Variants in DENND4C observed in about 807,000 individuals in gnomAD.
DENND4C encodes the protein DENN domain containing 4C, also known as DENN domain-containing protein 4C.
DENND4C carries 108 observed loss-of-function variants against 203.0 expected under a neutral mutation model. The observed-to-expected ratio is 0.53, with a 90% CI of 0.46 to 0.62. The LOEUF (loss-of-function observed/expected upper bound fraction) is 0.62. Ranked by LOEUF, DENND4C falls within the 20% of genes least tolerant of loss-of-function variation. The pLI, the probability that DENND4C is intolerant of heterozygous loss-of-function variation, is 0.00. For synonymous variants in DENND4C, 871 were observed against 792.4 expected, an observed-to-expected ratio of 1.10 and a Z score of -1.67; for missense variants, 2,481 against 2,301.2, an observed-to-expected ratio of 1.08 and a Z score of -1.60.
intron 1 of DENND4C, among the ~76,000 whole-genome samples, chr9:19,255,138 C>T (rs1406325391): frequency 6.6e-6 from 1 of 152,036 alleles, no homozygotes; most frequent in Admixed American, 6.6e-5. Flanking sequence ...AAGAGCGAAA[C>T]TCTGTCTCAG....
chr9:19,265,237 G>A (rs1260682805), intron 1 of DENND4C, among the ~76,000 whole-genome samples: 5 of 151,880 alleles, frequency 3.3e-5, no homozygotes, highest in Non-Finnish European at 7.4e-5. Flanking sequence ...GGCTGGTCTC[G>A]CACTCTGGGG....
At chr9:19,273,829 A>G (rs1014007109) in intron 1 of DENND4C, among the ~76,000 whole-genome samples, 3 of 152,060 alleles carry the variant, frequency 2.0e-5, no homozygotes, top group African/African-American at 7.3e-5. Flanking sequence ...AGTGAAAAAA[A>G]TGGTACACTC....
intron 19 of DENND4C, 80 bp from the exon 20 acceptor site, chr9:19,336,606 A>G: frequency 1.4e-6 from 2 of 1,463,734 alleles, no homozygotes; most frequent in Admixed American, 2.7e-5. Flanking sequence ...GCAACTATAA[A>G]TGAACTGTGG....
intron 18 of DENND4C, 86 bp downstream of exon 18, chr9:19,335,191 T>A: frequency 1.0e-6 from 1 of 956,884 alleles, no homozygotes; most frequent in Non-Finnish European, 1.4e-6. Flanking sequence ...AAACTCCTAT[T>A]AAAGGAAGTT....
At chr9:19,345,410 T>G (rs920689857) in intron 22 of DENND4C, among the ~76,000 whole-genome samples, 2 of 152,240 alleles carry the variant, frequency 1.3e-5, no homozygotes, top group African/African-American at 4.8e-5. Context: ...GAATAATTTT[T>G]TAACCACTCA....
intron 2 of DENND4C, among the ~76,000 whole-genome samples, chr9:19,279,417 G>A: frequency 6.6e-6 from 1 of 151,952 alleles, no homozygotes; most frequent in Non-Finnish European, 1.5e-5. Flanking sequence ...GTTCACGCCT[G>A]TAATCCCAGC....
At chr9:19,277,997 AC>A (rs1049480718) in intron 2 of DENND4C, among the ~76,000 whole-genome samples, 8 of 151,058 alleles carry the variant, frequency 5.3e-5, no homozygotes, top group African/African-American at 1.9e-4. Context: ...TAACTATGAT[AC>A]CATACCTTAA....
At chr9:19,247,900 C>A (rs1215695752) in intron 1 of DENND4C, among the ~76,000 whole-genome samples, 1 of 152,194 alleles carries the variant, frequency 6.6e-6, no homozygotes, top group Non-Finnish European at 1.5e-5. Flanking sequence ...TTCCAATCCA[C>A]CAGCAGCAGC....
intron 9 of DENND4C, 101 bp downstream of exon 9, chr9:19,300,432 T>A: frequency 8.5e-7 from 1 of 1,181,362 alleles, no homozygotes. Flanking sequence ...CAACAACAAA[T>A]TTAAAAAAAG....
At chr9:19,345,248 G>T (rs911202445) in intron 22 of DENND4C, among the ~76,000 whole-genome samples, 1 of 152,160 alleles carries the variant, frequency 6.6e-6, no homozygotes, top group Admixed American at 6.5e-5. Context: ...AGCTGCTATG[G>T]CCATTAGCAT....
chr9:19,251,789 C>T (rs1038581645), intron 1 of DENND4C, among the ~76,000 whole-genome samples: 1 of 152,190 alleles, frequency 6.6e-6, no homozygotes, highest in African/African-American at 2.4e-5. Context: ...ACCTTTGCTC[C>T]AGTTTCCAAC....
Position 19,361,927 on chromosome 9 carries a change from C to G in DENND4C, c.5488C>G (p.Pro1830Ala). The G allele has an allele frequency of 1.2e-6, 2 of 1,609,306 alleles. No homozygotes were observed. Among genetic ancestry groups the G allele is most frequent in the South Asian group, 1.1e-5 (1 of 90,954 alleles). The change falls in exon 30 of 33, where the codon CCA becomes GCA. Residue 1830 changes from proline (P) to alanine (A), a missense_variant. By Grantham distance (27) the Pro-to-Ala change is conservative. Around this residue, in one of 3 missense-constraint regions of DENND4C, gnomAD observed 2,289 missense variants for 2,113.3 expected, o/e 1.08. Transcript: ENST00000434457. ...GGATAATATCAACCTTCATCAGGAA[C>G]CAAGAGAACCTCTGTATGTCTCATG... is the stretch of plus-strand genomic sequence containing the variant. Reference protein sequence around the residue: ...LWDNINLHQEPREPLYVSWRN... With the variant: ...LWDNINLHQEAREPLYVSWRN...
Position 19,259,417 on chromosome 9 carries a change from A to G in DENND4C, c.-17-16741A>G, listed in dbSNP as rs147230176. Among the ~76,000 whole-genome samples, 525 of 151,818 alleles carry G rather than the reference A, an allele frequency of 3.5e-3. 7 individuals carry two copies. The highest frequency in any genetic ancestry group is 0.01 in the African/African-American group (414 of 41,384). On this transcript the variant is annotated intron_variant, in intron 1 of 32. Transcript: ENST00000434457. The stretch of plus-strand genomic sequence containing the variant: ...AATATAATGACCTCCAGTTCTATCT[A>G]TGTTGTTCTAAATGACACAATCTTG...
chr9:19,339,307 A>C (rs947099674), intron 20 of DENND4C, among the ~76,000 whole-genome samples: 15 of 152,234 alleles, frequency 9.9e-5, no homozygotes, highest in African/African-American at 3.4e-4. Flanking sequence ...CAGTTATCCC[A>C]GTGTTCCTTG....
rs373662284 is a variant in DENND4C at position 19,237,318 on chromosome 9, C to T, written c.-18+6485C>T. On this transcript the variant is annotated intron_variant, in intron 1 of 32. Transcript: ENST00000434457. ...ACAGGCGTGAGCCACCACGCCCGGC[C>T]GACAGCTTTTAGATTCAGGATTTTG... 3.0e-4 allele frequency among the ~76,000 whole-genome samples: 46 copies of T among 151,556 alleles called. No individual in the cohort carries two copies. The East Asian group carries it at 7.1e-3, about 23-fold the overall frequency.
At chr9:19,286,327 T>C (rs73429067) in intron 2 of DENND4C, among the ~76,000 whole-genome samples, 4,185 of 152,246 alleles carry the variant, frequency 0.027, 186 homozygotes, top group African/African-American at 0.093. Flanking sequence ...CTTTAATTTC[T>C]TTAAATAACG....
At chr9:19,320,279 A>G (rs1456953122) in intron 12 of DENND4C, among the ~76,000 whole-genome samples, 1 of 151,798 alleles carries the variant, frequency 6.6e-6, no homozygotes, top group Admixed American at 6.6e-5. Flanking sequence ...GCTCACTGCA[A>G]CCTCTGCCTC....
At chr9:19,306,300 G>A (rs7035750) in intron 10 of DENND4C, among the ~76,000 whole-genome samples, 6 of 152,254 alleles carry the variant, frequency 3.9e-5, no homozygotes, top group South Asian at 4.1e-4. Context: ...AGTAGAATTC[G>A]TTGGGAAAAT....
chr9:19,355,525 T>C (rs1825200724), intron 26 of DENND4C, among the ~76,000 whole-genome samples: 1 of 152,228 alleles, frequency 6.6e-6, no homozygotes, highest in Non-Finnish European at 1.5e-5. Flanking sequence ...ATCCCAATAT[T>C]ATCCACTAAA....
Sources: gnomAD v4.1 joint callset for allele counts (sites outside exome capture counted in the v4.1 genomes callset) on GRCh38, gnomAD v4.1.1 for gene constraint, gnomAD v4.1.1 regional missense constraint, MANE v1.5 for transcripts, NCBI Gene and HGNC (gene_info 2026-07-23, HGNC 2026-07-21) for gene names.